GGACT: variants seen among roughly 807,000 people sequenced by gnomAD.
GGACT encodes the protein gamma-glutamylamine cyclotransferase.
For missense variants in GGACT, 241 were observed against 233.2 expected (o/e 1.03, Z -0.22); for synonymous variants, 118 against 115.3 (o/e 1.02, Z -0.15).
chr13:100,567,948 G>A (rs1594194938), intron 2 of GGACT, among the ~76,000 whole-genome samples: 1 of 152,182 alleles, frequency 6.6e-6, no homozygotes, highest in Non-Finnish European at 1.5e-5. Context: ...AAAGGCTGGT[G>A]GAGCTCTAGC....
intron 2 of GGACT, among the ~76,000 whole-genome samples, chr13:100,571,570 C>A (rs1875083710): frequency 6.6e-6 from 1 of 152,278 alleles, no homozygotes; most frequent in African/African-American, 2.4e-5. Context: ...ACTTCAGCCT[C>A]CCCAAGTGCT....
chr13:100,588,649 G>A (rs1010004827), intron 1 of GGACT, 92 bp downstream of exon 1: 30 of 151,826 alleles, frequency 2.0e-4, no homozygotes, highest in Non-Finnish European at 1.2e-4. Flanking sequence ...CGCGCAGGGA[G>A]CGACGCCCCA....
intron 2 of GGACT, among the ~76,000 whole-genome samples, chr13:100,562,719 C>T (rs1426067293): frequency 6.6e-6 from 1 of 151,690 alleles, no homozygotes; most frequent in African/African-American, 2.4e-5. Context: ...TCACTTGAAC[C>T]CAGGAGGCGG....
intron 2 of GGACT, among the ~76,000 whole-genome samples, chr13:100,546,682 T>C (rs2088608102): frequency 6.6e-6 from 1 of 152,114 alleles, no homozygotes. Context: ...GAATAAATAA[T>C]AACAAATATG....
Position 100,550,347 on chromosome 13 carries a change from CACACA to C in GGACT, c.-10-17751_-10-17747del, listed in dbSNP as rs1566532536. On this transcript the variant is annotated intron_variant, in intron 2 of 2. Coordinates refer to ENST00000683975, the MANE Select transcript of GGACT (RefSeq NM_001195087.2). Reference sequence around the variant, plus strand: ...ACACACACACACACACACACACACACACACACACCACTGGCCCTTCTAAGGAAACT... The same window carrying C: ...ACACACACACACACACACACACACACCACCACTGGCCCTTCTAAGGAAACT... Among the ~76,000 whole-genome samples the C allele has an allele frequency of 2.4e-4, 11 of 46,076 alleles. 1 individual carries two copies. The highest frequency in any genetic ancestry group is 6.1e-4 in the African/African-American group (9 of 14,694). The allele number at this position is 46,076 out of a possible 152,430, so 30.2% of individuals were successfully genotyped here.
In GGACT at chr13:100,561,071, A is replaced by G. The variant is rs76847390; in HGVS notation, c.-11+22754T>C. Among the ~76,000 whole-genome samples the G allele has an allele frequency of 7.2e-3, 1,093 of 152,222 alleles. 7 individuals carry two copies. The highest frequency in any genetic ancestry group is 0.025 in the African/African-American group (1,041 of 41,532). On this transcript the variant is annotated intron_variant, in intron 2 of 2. Coordinates refer to ENST00000683975, the MANE Select transcript of GGACT (RefSeq NM_001195087.2). Reference sequence around the variant, plus strand: ...CTTCCCCCGGCTCCTGACTACATTCATGGTGAAGCTTGTGGCTACGCCCTC... The same window carrying G: ...CTTCCCCCGGCTCCTGACTACATTCGTGGTGAAGCTTGTGGCTACGCCCTC...
At chr13:100,570,597 C>T (rs572227003) in intron 2 of GGACT, among the ~76,000 whole-genome samples, 22 of 152,244 alleles carry the variant, frequency 1.4e-4, no homozygotes, top group African/African-American at 4.8e-4. Context: ...TTATATCAGA[C>T]CTCAAATGAA....
At chr13:100,537,731 G>C (rs773584165) in intron 2 of GGACT, 2 of 152,336 alleles carry the variant, frequency 1.3e-5, no homozygotes, top group Admixed American at 1.3e-4. Context: ...CACTCGGGCA[G>C]GGAGACTGCC....
Position 100,534,743 on chromosome 13 carries a change from C to T in GGACT, c.-10-2142G>A, listed in dbSNP as rs1342884341. Among the ~76,000 whole-genome samples, 1 of 152,176 alleles carries T rather than the reference C, an allele frequency of 6.6e-6. No individual in the cohort carries two copies. The highest frequency in any genetic ancestry group is 1.5e-5 in the Non-Finnish European group (1 of 68,030). On this transcript the variant is annotated intron_variant, in intron 2 of 2. Coordinates refer to ENST00000683975, the MANE Select transcript of GGACT (RefSeq NM_001195087.2). The surrounding 1 kb of genome is among the most constrained non-coding windows in gnomAD (Gnocchi z 4.9). ...CTGCCACGTCTCCCAACCTGCTCTC[C>T]TCCTCCAATGCCTGCCTGCATCCCT...
intron 2 of GGACT, among the ~76,000 whole-genome samples, chr13:100,563,114 AC>A (rs1232504517): frequency 1.3e-5 from 2 of 152,180 alleles, no homozygotes. Context: ...TGTTGAAGCC[AC>A]CCGGTCTGTG....
chr13:100,555,716 C>G (rs1404479287), intron 2 of GGACT, among the ~76,000 whole-genome samples: 1 of 152,026 alleles, frequency 6.6e-6, no homozygotes, highest in Non-Finnish European at 1.5e-5. Flanking sequence ...CACTGTCCAT[C>G]ATAAACATAA....
At chr13:100,568,429 C>T (rs1874978666) in intron 2 of GGACT, among the ~76,000 whole-genome samples, 1 of 152,220 alleles carries the variant, frequency 6.6e-6, no homozygotes, top group Non-Finnish European at 1.5e-5. Flanking sequence ...AATGAGTGCC[C>T]AGTGAAGGGG....
intron 2 of GGACT, among the ~76,000 whole-genome samples, chr13:100,562,866 C>G (rs2088777615): frequency 6.6e-6 from 1 of 151,854 alleles, no homozygotes; most frequent in South Asian, 2.1e-4. Context: ...GGTTTCTTGA[C>G]TCCAGAGTTC....
chr13:100,564,703 T>C (rs1156980869), intron 2 of GGACT, among the ~76,000 whole-genome samples: 1 of 152,190 alleles, frequency 6.6e-6, no homozygotes, highest in African/African-American at 2.4e-5. Flanking sequence ...GAAGTACAAA[T>C]ATTAAGCCAC....
In GGACT at chr13:100,546,334, C is replaced by A. The variant is rs1283900017; in HGVS notation, c.-10-13733G>T. On this transcript the variant is annotated intron_variant, in intron 2 of 2. Transcript: ENST00000683975. ...CCGAGATGGCGCCACTGCACTCCAG[C>A]CTGGGCGACAGGGCAAGACTCTGTC... Among the ~76,000 whole-genome samples, 5 of 144,740 alleles carry A rather than the reference C, an allele frequency of 3.5e-5. No individual in the cohort carries two copies. The East Asian group carries it at 8.0e-4, about 23-fold the overall frequency. 95.0% of individuals were successfully genotyped at this position (144,740 alleles called of 152,430 possible). A position where few individuals can be genotyped will look rare whatever the true frequency, so the allele number is the denominator to read the frequency against.
At chr13:100,571,505 C>G (rs542265503) in intron 2 of GGACT, among the ~76,000 whole-genome samples, 1 of 152,014 alleles carries the variant, frequency 6.6e-6, no homozygotes, top group African/African-American at 2.4e-5. Flanking sequence ...TTTGTAGAGA[C>G]GGGGTCTCAT....
chr13:100,571,054 C>T (rs1340603303), intron 2 of GGACT, among the ~76,000 whole-genome samples: 1 of 151,996 alleles, frequency 6.6e-6, no homozygotes, highest in African/African-American at 2.4e-5. Flanking sequence ...AAAGCTCCAG[C>T]CCAAAACACC....
Position 100,532,004 on chromosome 13 carries a change from G to A in GGACT, c.*126C>T. The stretch of plus-strand genomic sequence containing the variant: ...TTTGTAAAATCAGCTGCCACTGAAA[G>A]ATTGGTTCCTTTCCGGCAGATTCAT... On this transcript the variant is annotated 3_prime_UTR_variant, in exon 3 of 3. Coordinates refer to ENST00000683975, the MANE Select transcript of GGACT (RefSeq NM_001195087.2). 1 of 569,120 alleles carries A rather than the reference G, an allele frequency of 1.8e-6. No homozygotes were observed. Among genetic ancestry groups the A allele is most frequent in the Non-Finnish European group, 2.8e-6 (1 of 356,812 alleles). 35.3% of individuals were successfully genotyped at this position (569,120 alleles called of 1,614,324 possible). A position where few individuals can be genotyped will look rare whatever the true frequency, so the allele number is the denominator to read the frequency against.
At chr13:100,540,420 A>G (rs9554703) in intron 2 of GGACT, among the ~76,000 whole-genome samples, 3,178 of 152,178 alleles carry the variant, frequency 0.021, 89 homozygotes, top group East Asian at 0.15. Flanking sequence ...ATTGTTCATA[A>G]TATTCTCTTG....
Sources: allele counts gnomAD v4.1 joint callset (sites outside exome capture counted in the v4.1 genomes callset), GRCh38; gene constraint gnomAD v4.1.1; non-coding constraint Gnocchi (gnomAD v3.1); transcripts MANE v1.5; gene names NCBI Gene and HGNC (gene_info 2026-07-23, HGNC 2026-07-21).